Variants in CLEC16A observed in about 807,000 individuals in gnomAD.
CLEC16A encodes protein CLEC16A.
In CLEC16A, 51 loss-of-function variants were observed where a neutral mutation model predicts 109.5. That is an observed-to-expected ratio of 0.47 (90% CI 0.37 to 0.59). The LOEUF is 0.59. Among genes scored for constraint, CLEC16A ranks in the 20% least tolerant of loss-of-function variants. The probability of loss-of-function intolerance (pLI) is 0.00; values close to 1 mark genes in which losing one functional copy is unlikely to be tolerated. For missense variants in CLEC16A, 1,339 were observed against 1,394.0 expected (o/e 0.96, Z 0.63); for synonymous variants, 673 against 564.2 (o/e 1.19, Z -2.73).
Position 11,024,859 on chromosome 16 carries a change from C to T in CLEC16A, c.1475C>T (p.Pro492Leu), listed in dbSNP as rs780397390. 8 of 1,609,118 alleles carry T rather than the reference C, an allele frequency of 5.0e-6. No individual in the cohort carries two copies. Among genetic ancestry groups the T allele is most frequent in the African/African-American group, 2.7e-5 (2 of 74,936 alleles). Residue 492 changes from proline (P) to leucine (L), a missense_variant, in exon 13 of 24, where the codon CCG (proline) becomes CTG (leucine). Pro to Leu is a moderately conservative substitution (Grantham distance 98). This residue lies in a region of CLEC16A where 1,061 missense variants were observed against 1,006.8 expected (regional missense o/e 1.05). Coordinates refer to ENST00000409790, the MANE Select transcript of CLEC16A (RefSeq NM_015226.3). ...ATGGTGTACCACGCGCTGGACAGCC[C>T]GGATGATGATTACCATGCCCTGTTC... ...LDMVYHALDS[P>L]DDDYHALFVL...
At chr16:11,030,296 A>G (rs528127648) in intron 13 of CLEC16A, among the ~76,000 whole-genome samples, 2 of 152,202 alleles carry the variant, frequency 1.3e-5, no homozygotes, top group Admixed American at 6.5e-5. Flanking sequence ...TATTTCCCAT[A>G]TAATTATGGG....
intron 7 of CLEC16A, among the ~76,000 whole-genome samples, chr16:10,973,591 C>G (rs1006624787): frequency 6.6e-6 from 1 of 151,862 alleles, no homozygotes; most frequent in African/African-American, 2.4e-5. Flanking sequence ...TTTTTTGAGA[C>G]AGAGTATTGC....
chr16:10,995,267 A>G (rs866420464), intron 10 of CLEC16A, among the ~76,000 whole-genome samples: 10 of 152,180 alleles, frequency 6.6e-5, no homozygotes, highest in Non-Finnish European at 7.3e-5. Flanking sequence ...ACTGAGACCT[A>G]TAGAGGAGAA....
At chr16:10,983,155 C>A (rs1434994530) in intron 10 of CLEC16A, among the ~76,000 whole-genome samples, 164 bp downstream of exon 10, 28 of 152,190 alleles carry the variant, frequency 1.8e-4, no homozygotes, top group Admixed American at 1.8e-3. Context: ...TGATTGCATA[C>A]CCAAGAGAAG....
intron 11 of CLEC16A, among the ~76,000 whole-genome samples, chr16:11,012,487 C>T (rs561917913): frequency 1.4e-5 from 2 of 146,220 alleles, no homozygotes; most frequent in South Asian, 2.3e-4. Flanking sequence ...CCCAGCTACT[C>T]GGGAGGCTGA....
At chr16:11,036,370 C>T (rs1274702361) in intron 13 of CLEC16A, among the ~76,000 whole-genome samples, 1 of 152,000 alleles carries the variant, frequency 6.6e-6, no homozygotes, top group Admixed American at 6.6e-5. Flanking sequence ...TTGGCAAGTC[C>T]TGGCCCTCCC....
chr16:11,087,901 A>G (rs185589557), intron 19 of CLEC16A, among the ~76,000 whole-genome samples: 4 of 152,352 alleles, frequency 2.6e-5, no homozygotes, highest in Admixed American at 2.6e-4. Context: ...GAAGTGTCTG[A>G]GAAGCTGGTC....
At chr16:11,018,298 A>C (rs1421645606) in intron 11 of CLEC16A, among the ~76,000 whole-genome samples, 1 of 151,856 alleles carries the variant, frequency 6.6e-6, no homozygotes, top group African/African-American at 2.4e-5. Context: ...AGAAAAAAAA[A>C]AAAAAAACAG....
chr16:11,020,079 T>C, intron 11 of CLEC16A, 114 bp from the exon 12 acceptor site: 1 of 1,262,398 alleles, frequency 7.9e-7, no homozygotes, highest in Non-Finnish European at 1.1e-6. Context: ...GTCGGACATG[T>C]GCTTGATGTG....
chr16:11,047,275 C>T lies in CLEC16A; in HGVS notation c.1816-17C>T, dbSNP rs753999059. On this transcript the variant is annotated splice_polypyrimidine_tract_variant and intron_variant, in intron 16 of 23. Coordinates refer to ENST00000409790, the MANE Select transcript of CLEC16A (RefSeq NM_015226.3). Reference sequence around the variant, plus strand: ...AATATGAATAATCTCCTCTTCCCTCCCTTCCTTTCTTTTTAGGGAGAAGAC... The same window carrying T: ...AATATGAATAATCTCCTCTTCCCTCTCTTCCTTTCTTTTTAGGGAGAAGAC... 7 of 1,602,542 alleles carry T rather than the reference C, an allele frequency of 4.4e-6. No homozygotes were observed. The South Asian group carries it at 6.7e-5, about 15-fold the overall frequency.
intron 11 of CLEC16A, among the ~76,000 whole-genome samples, chr16:11,006,867 C>T (rs780871751): frequency 1.2e-4 from 17 of 144,658 alleles, no homozygotes; most frequent in South Asian, 4.4e-4. Context: ...CCTCAGGTCC[C>T]AAGTAATGGG....
chr16:11,110,082 C>T (rs2051483174), intron 19 of CLEC16A, among the ~76,000 whole-genome samples: 1 of 152,212 alleles, frequency 6.6e-6, no homozygotes, highest in South Asian at 2.1e-4. Flanking sequence ...TAATGGGCTA[C>T]AGCCTGTCAG....
At chr16:11,166,677 T>C (rs2068278114) in intron 23 of CLEC16A, 125 bp downstream of exon 23, 3 of 977,722 alleles carry the variant, frequency 3.1e-6, no homozygotes, top group Non-Finnish European at 4.3e-6. Flanking sequence ...GCCGCTCAGG[T>C]GATCTGCACA....
intron 19 of CLEC16A, among the ~76,000 whole-genome samples, chr16:11,082,794 A>G (rs1036722150): frequency 1.2e-4 from 18 of 152,258 alleles, no homozygotes; most frequent in Admixed American, 5.9e-4. Context: ...TAAAACTTCC[A>G]TATTTGGCAA....
chr16:11,082,877 A>G (rs2049805024), intron 19 of CLEC16A, among the ~76,000 whole-genome samples: 1 of 152,206 alleles, frequency 6.6e-6, no homozygotes, highest in African/African-American at 2.4e-5. Context: ...GTGGGAGCCC[A>G]GCTGTGCATC....
intron 19 of CLEC16A, among the ~76,000 whole-genome samples, chr16:11,117,020 C>T (rs1448320422): frequency 5.9e-5 from 9 of 152,150 alleles, no homozygotes; most frequent in South Asian, 2.1e-4. Context: ...AGAACTAAGT[C>T]GTGTCCTTTG....
intron 17 of CLEC16A, among the ~76,000 whole-genome samples, chr16:11,051,221 G>A (rs1206820741): frequency 1.3e-5 from 2 of 152,218 alleles, no homozygotes; most frequent in African/African-American, 4.8e-5. Flanking sequence ...CTGCTGAGGT[G>A]GAGAGAGAAT....
chr16:11,108,416 G>A (rs936854682), intron 19 of CLEC16A, among the ~76,000 whole-genome samples: 12 of 152,246 alleles, frequency 7.9e-5, no homozygotes, highest in Admixed American at 5.2e-4. Flanking sequence ...GGCCACCAGG[G>A]AGTTAAACCC....
At chr16:11,154,298 C>T (rs2054416683) in intron 22 of CLEC16A, among the ~76,000 whole-genome samples, 1 of 152,158 alleles carries the variant, frequency 6.6e-6, no homozygotes. Flanking sequence ...TTGGCAGTTG[C>T]ATATGGTTCA....
Sources: allele counts gnomAD v4.1 joint callset (sites outside exome capture counted in the v4.1 genomes callset), GRCh38; gene constraint gnomAD v4.1.1; regional missense constraint gnomAD v4.1.1; transcripts MANE v1.5; gene names NCBI Gene and HGNC (gene_info 2026-07-23, HGNC 2026-07-21).